The following EXOC6B variants were observed in gnomAD, a reference collection of about 807,000 sequenced individuals.
The protein encoded by EXOC6B is exocyst complex component 6B, also known as SEC15 homolog B.
Under a neutral mutation model 113.5 loss-of-function variants are expected in EXOC6B, and 54 were observed. The ratio of observed to expected loss-of-function variants is 0.48; its 90% confidence interval spans 0.38 to 0.60. The LOEUF (loss-of-function observed/expected upper bound fraction) is 0.60, where lower values mean the gene tolerates loss of function less well. EXOC6B is among the 20% of genes least tolerant of loss of function. The pLI is 0.00. For missense variants in EXOC6B, 797 were observed against 977.5 expected (o/e 0.82, Z 2.46); for synonymous variants, 357 against 339.0 (o/e 1.05, Z -0.58).
chr2:72,735,439 A>C lies in EXOC6B; in HGVS notation c.280-2321T>G, dbSNP rs140327738. ...TCAGTTTTTGTCAAAAATACTGATC[A>C]AGGCACACTAAATTAATTTCATGCA... On this transcript the variant is annotated intron_variant, in intron 2 of 21. Transcript: ENST00000272427. Among the ~76,000 whole-genome samples the C allele has an allele frequency of 6.0e-4, 92 of 152,326 alleles. 1 individual carries two copies. Among genetic ancestry groups the C allele is most frequent in the African/African-American group, 2.1e-3 (88 of 41,564 alleles).
At chr2:72,770,122 A>G (rs1683328987) in intron 1 of EXOC6B, among the ~76,000 whole-genome samples, 1 of 152,218 alleles carries the variant, frequency 6.6e-6, no homozygotes, top group African/African-American at 2.4e-5. Context: ...ACCCAACTAG[A>G]TGACAGGGAA....
intron 6 of EXOC6B, among the ~76,000 whole-genome samples, chr2:72,663,302 T>A (rs915259576): frequency 2.6e-5 from 4 of 152,150 alleles, no homozygotes; most frequent in Non-Finnish European, 4.4e-5. Flanking sequence ...ATAATATATG[T>A]CCCATTCTCA....
Position 72,342,658 on chromosome 2 carries a change from G to C in EXOC6B, c.2123-7638C>G, listed in dbSNP as rs1023661449. The stretch of plus-strand genomic sequence containing the variant: ...TCCTCAGAATATTAAAATGAGTCAG[G>C]TGTGGTTGCTTCTGTCTGTCATCAA... On this transcript the variant is annotated intron_variant, in intron 19 of 21. Transcript: ENST00000272427. Among the ~76,000 whole-genome samples the C allele has an allele frequency of 3.4e-4, 52 of 152,086 alleles. 1 individual carries two copies. The highest frequency in any genetic ancestry group is 6.6e-5 in the Admixed American group (1 of 15,240).
intron 17 of EXOC6B, among the ~76,000 whole-genome samples, chr2:72,479,944 C>T (rs1471070250): frequency 2.6e-5 from 4 of 151,966 alleles, no homozygotes; most frequent in Non-Finnish European, 5.9e-5. Context: ...GGTTCATGCC[C>T]GCAATCCCAG....
intron 18 of EXOC6B, among the ~76,000 whole-genome samples, chr2:72,412,141 T>C (rs536405573): frequency 1.3e-5 from 2 of 152,020 alleles, no homozygotes; most frequent in South Asian, 2.1e-4. Flanking sequence ...AAGTCAAAGA[T>C]ATAAAAAGAT....
chr2:72,377,034 G>T (rs1267095164), intron 19 of EXOC6B, among the ~76,000 whole-genome samples: 1 of 152,072 alleles, frequency 6.6e-6, no homozygotes, highest in African/African-American at 2.4e-5. Context: ...TAAAAAATGG[G>T]TAAAGGACCT....
chr2:72,619,209 G>T (rs1671593578), intron 6 of EXOC6B, among the ~76,000 whole-genome samples: 1 of 150,236 alleles, frequency 6.7e-6, no homozygotes, highest in Non-Finnish European at 1.5e-5. Context: ...GAGAGAGAGA[G>T]ATTAAGTTGG....
chr2:72,589,314 C>T (rs1272154069), intron 6 of EXOC6B, among the ~76,000 whole-genome samples: 1 of 151,954 alleles, frequency 6.6e-6, no homozygotes, highest in Non-Finnish European at 1.5e-5. Context: ...TCTGATAAGA[C>T]AGTTGACACA....
intron 20 of EXOC6B, among the ~76,000 whole-genome samples, chr2:72,190,280 C>A (rs1469600053): frequency 6.6e-6 from 1 of 152,160 alleles, no homozygotes; most frequent in Admixed American, 6.5e-5. Context: ...TCCAGTGATA[C>A]TCCTGCCCCA....
At chr2:72,799,636 G>T (rs1007586759) in intron 1 of EXOC6B, among the ~76,000 whole-genome samples, 1 of 152,126 alleles carries the variant, frequency 6.6e-6, no homozygotes, top group Non-Finnish European at 1.5e-5. Context: ...CTATGCAAAA[G>T]AAACTGTATG....
chr2:72,218,344 G>T (rs1034735926), intron 20 of EXOC6B, among the ~76,000 whole-genome samples: 6 of 152,146 alleles, frequency 3.9e-5, no homozygotes, highest in Non-Finnish European at 8.8e-5. Flanking sequence ...GCATATTCAT[G>T]AATTCTTTGA....
chr2:72,488,166 T>C (rs1256713449), intron 16 of EXOC6B, among the ~76,000 whole-genome samples: 1 of 152,174 alleles, frequency 6.6e-6, no homozygotes, highest in Admixed American at 6.5e-5. Context: ...GTATTTGTCA[T>C]AATTCATCAC....
intron 20 of EXOC6B, among the ~76,000 whole-genome samples, chr2:72,301,444 C>T (rs1277621374): frequency 6.6e-6 from 1 of 152,180 alleles, no homozygotes; most frequent in Non-Finnish European, 1.5e-5. Flanking sequence ...CTTTGTTCAT[C>T]TGGTAGAATT....
chr2:72,750,216 A>T (rs1266621852), intron 1 of EXOC6B, among the ~76,000 whole-genome samples: 3 of 152,006 alleles, frequency 2.0e-5, no homozygotes, highest in African/African-American at 7.2e-5. Flanking sequence ...AAAACTCTTT[A>T]ACTCTATAAG....
rs926386697 is a variant in EXOC6B at position 72,725,395 on chromosome 2, A to C, written c.464+5612T>G. Reference sequence around the variant, plus strand: ...ATGGCTACATTAAAGTCAAATAATAAGGATTTTTTTTTTTTAAACAGACTC... The same window carrying C: ...ATGGCTACATTAAAGTCAAATAATACGGATTTTTTTTTTTTAAACAGACTC... On this transcript the variant is annotated intron_variant, in intron 5 of 21. Transcript: ENST00000272427. Among the ~76,000 whole-genome samples the C allele has an allele frequency of 7.6e-4, 115 of 152,166 alleles. 1 individual carries two copies. Among genetic ancestry groups the C allele is most frequent in the Non-Finnish European group, 1.0e-4 (7 of 67,992 alleles).
At position 72,730,998 on chromosome 2, in the gene EXOC6B, A is replaced by C. The variant is rs1330329677; in HGVS notation, c.464+9T>G. The C allele has an allele frequency of 6.6e-7, 1 of 1,523,318 alleles. No individual in the cohort carries two copies. The allele number at this position is 1,523,318 out of a possible 1,614,324, so 94.4% of individuals were successfully genotyped here. ...TAGTAAAAACTGTTCGATTAAAAAAAAATCTTACCTTTTAGTTTTCATCTG... is the reference window on the plus strand; with the variant it reads ...TAGTAAAAACTGTTCGATTAAAAAACAATCTTACCTTTTAGTTTTCATCTG... On this transcript the variant is annotated intron_variant, in intron 5 of 21. Coordinates refer to ENST00000272427, the MANE Select transcript of EXOC6B (RefSeq NM_015189.3).
chr2:72,538,899 A>G (rs1490952133), intron 8 of EXOC6B, among the ~76,000 whole-genome samples: 1 of 152,180 alleles, frequency 6.6e-6, no homozygotes, highest in African/African-American at 2.4e-5. Flanking sequence ...TGTAGTTCTC[A>G]AGTTGTAGGA....
chr2:72,514,597 AATAAATAAATATAT>A (rs1178525805), intron 10 of EXOC6B, 23 bp downstream of exon 10: 7 of 207,476 alleles, frequency 3.4e-5, no homozygotes, highest in East Asian at 1.8e-4. Flanking sequence ...TAAATAAATA[AATAAATAAATATAT>A]ATATATATAT....
intron 6 of EXOC6B, among the ~76,000 whole-genome samples, chr2:72,680,626 C>T (rs1327171643): frequency 6.6e-6 from 1 of 151,908 alleles, no homozygotes; most frequent in Non-Finnish European, 1.5e-5. Context: ...GTAATCCCTG[C>T]TACTTGGGAT....
Sources: allele counts gnomAD v4.1 joint callset (sites outside exome capture counted in the v4.1 genomes callset), GRCh38; gene constraint gnomAD v4.1.1; transcripts MANE v1.5; gene names NCBI Gene and HGNC (gene_info 2026-07-23, HGNC 2026-07-21).